The following MROH9 variants were observed in gnomAD, a reference collection of about 807,000 sequenced individuals.
The protein encoded by MROH9 is maestro heat like repeat family member 9.
In MROH9, 92 loss-of-function variants were observed where a neutral mutation model predicts 98.2. That is an observed-to-expected ratio of 0.94 (90% CI 0.79 to 1.11). The LOEUF (loss-of-function observed/expected upper bound fraction) is 1.11. MROH9 is among the 50% of genes most tolerant of loss of function. The pLI is 0.00. For missense variants in MROH9, 1,057 were observed against 1,014.8 expected, an observed-to-expected ratio of 1.04 and a Z score of -0.57; for synonymous variants, 397 against 368.9, an observed-to-expected ratio of 1.08 and a Z score of -0.87.
At chr1:170,972,783 G>C (rs1216499300) in intron 8 of MROH9, among the ~76,000 whole-genome samples, 1 of 147,102 alleles carries the variant, frequency 6.8e-6, no homozygotes, top group Non-Finnish European at 1.5e-5. Context: ...CTGCACTCCA[G>C]CGTGGGTGAC....
intron 20 of MROH9, among the ~76,000 whole-genome samples, chr1:171,042,908 T>C (rs1315285734): frequency 6.6e-6 from 1 of 152,172 alleles, no homozygotes; most frequent in Non-Finnish European, 1.5e-5. Flanking sequence ...GATAAGTAGT[T>C]TGCAAACATT....
intron 3 of MROH9, among the ~76,000 whole-genome samples, chr1:170,949,979 T>G (rs1649483417): frequency 6.6e-6 from 1 of 152,008 alleles, no homozygotes; most frequent in Admixed American, 6.6e-5. Context: ...ATAGTACCCA[T>G]AACATGTTAG....
intron 4 of MROH9, among the ~76,000 whole-genome samples, 159 bp downstream of exon 4, chr1:170,958,699 T>C (rs957966786): frequency 1.3e-5 from 2 of 152,220 alleles, no homozygotes; most frequent in African/African-American, 2.4e-5. Flanking sequence ...TCCCAGTCTT[T>C]TTGTATTGCG....
intron 20 of MROH9, among the ~76,000 whole-genome samples, chr1:171,052,693 G>T (rs900553376): frequency 6.6e-6 from 1 of 152,136 alleles, no homozygotes; most frequent in African/African-American, 2.4e-5. Flanking sequence ...GGCAGCTCAG[G>T]CTCCTAATCC....
At chr1:171,018,546 G>A (rs1268311623) in intron 17 of MROH9, among the ~76,000 whole-genome samples, 1 of 152,202 alleles carries the variant, frequency 6.6e-6, no homozygotes, top group Non-Finnish European at 1.5e-5. Context: ...GAACTGGACG[G>A]AGGATGAGAT....
intron 3 of MROH9, among the ~76,000 whole-genome samples, chr1:170,948,941 G>C (rs558012246): frequency 6.6e-6 from 1 of 152,078 alleles, no homozygotes; most frequent in African/African-American, 2.4e-5. Flanking sequence ...AAATAACACT[G>C]GATGTGCTCT....
intron 15 of MROH9, among the ~76,000 whole-genome samples, chr1:171,007,168 G>T (rs1219882236): frequency 6.6e-6 from 1 of 152,182 alleles, no homozygotes; most frequent in Non-Finnish European, 1.5e-5. Context: ...AGAATTGTAG[G>T]TTAGGTGGAG....
chr1:170,973,521 TA>T lies in MROH9; in HGVS notation c.616+1648del, dbSNP rs147489031. Among the ~76,000 whole-genome samples, 71 of 147,030 alleles carry T rather than the reference TA, an allele frequency of 4.8e-4. No individual in the cohort carries two copies. The Middle Eastern group carries it at 0.017, about 36-fold the overall frequency. ...CAAAGCTGAAGAATACCCCTAGAAA[TA>T]AAAAAAAAAGTTCCTGCACTCAACA... On this transcript the variant is annotated intron_variant, in intron 8 of 21. Transcript: ENST00000367759.
intron 17 of MROH9, among the ~76,000 whole-genome samples, chr1:171,017,643 A>C (rs1652372546): frequency 6.6e-6 from 1 of 151,894 alleles, no homozygotes; most frequent in Non-Finnish European, 1.5e-5. Flanking sequence ...CACCTAACAC[A>C]CTAAGCCCCC....
At chr1:170,986,126 G>A (rs901012396) in intron 9 of MROH9, among the ~76,000 whole-genome samples, 3 of 152,060 alleles carry the variant, frequency 2.0e-5, no homozygotes, top group Admixed American at 6.6e-5. Flanking sequence ...GGACATAAAG[G>A]CCTTTTATTT....
intron 8 of MROH9, among the ~76,000 whole-genome samples, chr1:170,972,622 AAC>A (rs1450592962): frequency 6.6e-6 from 1 of 151,722 alleles, no homozygotes; most frequent in Non-Finnish European, 1.5e-5. Context: ...CATCCTGGCT[AAC>A]ACAGTGAAAC....
intron 17 of MROH9, among the ~76,000 whole-genome samples, chr1:171,021,517 C>A (rs1280675959): frequency 6.6e-6 from 1 of 152,018 alleles, no homozygotes. Flanking sequence ...GGAAAAGATT[C>A]CCTATTTAAT....
rs771569532 is a variant in MROH9, at chr1:170,959,559, G to C, written c.250G>C (p.Glu84Gln). 8 of 1,613,756 alleles carry C rather than the reference G, an allele frequency of 5.0e-6. No individual in the cohort carries two copies. In the South Asian group the frequency reaches 7.7e-5, roughly 16 times the overall value. ...CATGCCAAGTCTTGACAAAGTAAAA[G>C]AAATGGGGAGCAGTTATGAGTACAT... ...VVMPSLDKVK[E>Q]MGSSYEYIED... Residue 84 changes from glutamate to glutamine, a missense_variant, in exon 5 of 22, where the codon GAA becomes CAA. Transcript: ENST00000367759.
intron 15 of MROH9, among the ~76,000 whole-genome samples, chr1:170,999,197 C>T (rs182814967): frequency 1.1e-3 from 169 of 152,024 alleles, no homozygotes; most frequent in African/African-American, 2.9e-3. Flanking sequence ...TATTGGGGTA[C>T]AGGTGGTATT....
At position 171,064,258 on chromosome 1, in the gene MROH9, C is replaced by T; in HGVS notation, c.2504C>T (p.Pro835Leu). 4 of 1,551,368 alleles carry T rather than the reference C, an allele frequency of 2.6e-6. No individual in the cohort carries two copies. In the Admixed American group the frequency reaches 5.9e-5, roughly 23 times the overall value. Residue 835 changes from proline (P) to leucine (L), a missense_variant, in exon 22 of 22, where the codon CCT becomes CTT. Pro to Leu is a moderately conservative substitution (Grantham distance 98). Coordinates refer to ENST00000367759, the MANE Select transcript of MROH9 (RefSeq NM_001163629.2). ...LKLFYIKKLK[P>L]LYNYNSPNGQ... ...TTATTCTACATCAAAAAATTGAAGCCTCTTTACAATTATAACTCACCCAAT... is the reference window on the plus strand; with the variant it reads ...TTATTCTACATCAAAAAATTGAAGCTTCTTTACAATTATAACTCACCCAAT...
chr1:171,055,351 A>G (rs1384002580), intron 20 of MROH9, among the ~76,000 whole-genome samples: 5 of 152,140 alleles, frequency 3.3e-5, no homozygotes, highest in African/African-American at 4.8e-5. Context: ...GGCCAGGTGC[A>G]GTGGCTCATG....
At chr1:170,954,587 G>A (rs1328408262) in intron 3 of MROH9, among the ~76,000 whole-genome samples, 1 of 151,900 alleles carries the variant, frequency 6.6e-6, no homozygotes, top group East Asian at 1.9e-4. Context: ...GTTTTCCCAT[G>A]TGGTTGTTTT....
At chr1:170,999,560 C>T (rs1651716671) in intron 15 of MROH9, among the ~76,000 whole-genome samples, 1 of 151,988 alleles carries the variant, frequency 6.6e-6, no homozygotes, top group Non-Finnish European at 1.5e-5. Context: ...ACCACCGTTT[C>T]TTTATCCACT....
In MROH9 at chr1:170,998,205, C is replaced by T; in HGVS notation, c.1527C>T (p.Leu509=). The T allele has an allele frequency of 6.2e-7, 1 of 1,613,160 alleles. No individual in the cohort carries two copies. Reference sequence around the variant, plus strand: ...AGTTTCCGGAGACCCTGAGTTATCTCTATAAGCTCTCAGTAGAAGGTCCTA... The same window carrying T: ...AGTTTCCGGAGACCCTGAGTTATCTTTATAAGCTCTCAGTAGAAGGTCCTA... ...FPQFPETLSY[L]YKLSVEGPRR... Residue 509 remains leucine, a synonymous_variant, in exon 15 of 22, where the codon CTC becomes CTT. Coordinates refer to ENST00000367759, the MANE Select transcript of MROH9 (RefSeq NM_001163629.2).
Sources: gnomAD v4.1 joint callset for allele counts (sites outside exome capture counted in the v4.1 genomes callset) on GRCh38, gnomAD v4.1.1 for gene constraint, MANE v1.5 for transcripts, NCBI Gene and HGNC (gene_info 2026-07-23, HGNC 2026-07-21) for gene names.